BRWD3: variants seen among roughly 807,000 people sequenced by gnomAD.
BRWD3 encodes the protein bromodomain and WD repeat-containing protein 3.
A neutral mutation model predicts 149.7 loss-of-function variants in BRWD3; 10 were observed. The observed-to-expected ratio is 0.07, with a 90% confidence interval of 0.04 to 0.11. BRWD3 has a LOEUF of 0.11. BRWD3 is among the 10% of genes least tolerant of loss of function. The probability of loss-of-function intolerance (pLI) is 1.00; values close to 1 mark genes in which losing one functional copy is unlikely to be tolerated. For missense variants in BRWD3, 940 were observed against 1,373.2 expected (o/e 0.68, Z 4.99); for synonymous variants, 504 against 456.7 (o/e 1.10, Z -1.32).
At chrX:80,808,498 G>A in intron 4 of BRWD3, 41 bp downstream of exon 4, 2 of 1,147,845 alleles carry the variant, frequency 1.7e-6, no homozygotes, top group African/African-American at 1.8e-5. Flanking sequence ...GGAGGGAGTG[G>A]TGAAAGAGTT....
chrX:80,689,416 T>C (rs2072581337), intron 33 of BRWD3, among the ~76,000 whole-genome samples: 1 of 111,888 alleles, frequency 8.9e-6, no homozygotes, highest in South Asian at 3.7e-4. Context: ...ATATTTTCTA[T>C]ACAGCATATA....
intron 6 of BRWD3, among the ~76,000 whole-genome samples, chrX:80,770,012 A>G (rs2073916517): frequency 8.9e-6 from 1 of 111,803 alleles, no homozygotes; most frequent in Non-Finnish European, 1.9e-5. Context: ...AGAAATGGAT[A>G]AATTCCTCGA....
chrX:80,745,647 C>T lies in BRWD3; in HGVS notation c.513G>A (p.Lys171=). The change falls in exon 7 of 41, where the codon AAG becomes AAA. Residue 171 remains lysine, a synonymous_variant. Coordinates refer to ENST00000373275, the MANE Select transcript of BRWD3 (RefSeq NM_153252.5). ...IFPSSAYQHI[K]MHKRILGHLS... ...AGTGCCCCAGAATTCTCTTATGCATCTTAATGTGCTGGTAAGCAGATGAAG... is the reference window on the plus strand; with the variant it reads ...AGTGCCCCAGAATTCTCTTATGCATTTTAATGTGCTGGTAAGCAGATGAAG... 1 of 1,209,151 alleles carries T rather than the reference C, an allele frequency of 8.3e-7. No individual in the cohort carries two copies. The highest frequency in any genetic ancestry group is 1.8e-5 in the South Asian group (1 of 56,731).
chrX:80,682,690 T>C, intron 37 of BRWD3, 62 bp from the exon 38 acceptor site: 1 of 1,052,978 alleles, frequency 9.5e-7, no homozygotes, highest in Admixed American at 2.3e-5. Flanking sequence ...GGTATAAACA[T>C]GCCTAGACCA....
chrX:80,745,636 C>A lies in BRWD3; in HGVS notation c.524G>T (p.Arg175Ile). Residue 175 changes from arginine (R) to isoleucine (I), a missense_variant, in exon 7 of 41, where the codon AGA becomes ATA. By Grantham distance (97) the Arg-to-Ile change is moderately conservative. Transcript: ENST00000373275. ...SAYQHIKMHKRILGHLSSVYC... is the reference protein window; with the variant it reads ...SAYQHIKMHKIILGHLSSVYC... ...GACAGATGACAAGTGCCCCAGAATT[C>A]TCTTATGCATCTTAATGTGCTGGTA... 1.7e-6 allele frequency: 2 copies of A among 1,209,867 alleles called. No homozygotes were observed. Among genetic ancestry groups the A allele is most frequent in the Non-Finnish European group, 2.2e-6 (2 of 894,382 alleles).
chrX:80,685,041 T>C (rs780510412), intron 36 of BRWD3, among the ~76,000 whole-genome samples: 3 of 111,921 alleles, frequency 2.7e-5, no homozygotes, highest in East Asian at 5.6e-4. Flanking sequence ...TCTTATTTTC[T>C]TAAATCATAA....
At chrX:80,781,386 C>T (rs1462684943) in intron 6 of BRWD3, among the ~76,000 whole-genome samples, 1 of 110,482 alleles carries the variant, frequency 9.1e-6, no homozygotes. Flanking sequence ...TGATTGGTCA[C>T]GTGTGAGCTA....
At chrX:80,701,450 A>C (rs2072786296) in intron 24 of BRWD3, among the ~76,000 whole-genome samples, 1 of 100,417 alleles carries the variant, frequency 1.0e-5, no homozygotes, top group African/African-American at 3.7e-5. Flanking sequence ...CCAGAGACTG[A>C]GGCAGGAGGA....
At chrX:80,710,294 C>A in intron 20 of BRWD3, 1 of 344,735 alleles carries the variant, frequency 2.9e-6, no homozygotes, top group Non-Finnish European at 5.4e-6. Flanking sequence ...TGGCTGGAGA[C>A]CATATGGTGT....
intron 4 of BRWD3, 109 bp from the exon 5 acceptor site, chrX:80,793,881 T>C (rs2074208804): frequency 1.2e-6 from 1 of 862,824 alleles, no homozygotes; most frequent in African/African-American, 2.0e-5. Flanking sequence ...AGTACAGTTT[T>C]AAAATATGGA....
chrX:80,736,130 G>C (rs764925622), intron 8 of BRWD3, 42 bp from the exon 9 acceptor site: 13 of 851,004 alleles, frequency 1.5e-5, no homozygotes, highest in Admixed American at 5.1e-5. Context: ...AAGTTTTCAT[G>C]TTCAGCCTAA....
In BRWD3 at chrX:80,703,531, G is replaced by T. The variant is rs374506452; in HGVS notation, c.2784C>A (p.Ile928=). 8.0e-5 allele frequency: 97 copies of T among 1,205,935 alleles called. No homozygotes were observed. The highest frequency in any genetic ancestry group is 1.1e-4 in the Non-Finnish European group (95 of 893,467). ...PNEEWFAPQW[I]LDTIPRRSPF... The stretch of plus-strand genomic sequence containing the variant: ...GGGAACGTCGGGGTATAGTATCCAA[G>T]ATCCACTGAGGGGCAAACCATTCTT... Residue 928 remains isoleucine, a synonymous_variant, in exon 24 of 41, where the codon ATC becomes ATA. Transcript: ENST00000373275.
At position 80,768,943 on chromosome X, in the gene BRWD3, T is replaced by C. The variant is rs776151755; in HGVS notation, c.430+22911A>G. 9.9e-5 allele frequency among the ~76,000 whole-genome samples: 11 copies of C among 110,661 alleles called. No individual in the cohort carries two copies. In the South Asian group the frequency reaches 4.2e-3, roughly 43 times the overall value. ...AAAAAAAAAGCAGGGGTTGCAGTCCTAGTCTCTGATAAAACAGACTTTAAA... is the reference window on the plus strand; with the variant it reads ...AAAAAAAAAGCAGGGGTTGCAGTCCCAGTCTCTGATAAAACAGACTTTAAA... On this transcript the variant is annotated intron_variant, in intron 6 of 40. Coordinates refer to ENST00000373275, the MANE Select transcript of BRWD3 (RefSeq NM_153252.5).
Position 80,688,173 on chromosome X carries a change from G to A in BRWD3, c.3808-48C>T, listed in dbSNP as rs1480361280. 3 of 995,724 alleles carry A rather than the reference G, an allele frequency of 3.0e-6. No individual in the cohort carries two copies. In the African/African-American group the frequency reaches 5.7e-5, roughly 19 times the overall value. The allele number at this position is 995,724 out of a possible 1,213,427, so 82.1% of individuals were successfully genotyped here. A position where few individuals can be genotyped will look rare whatever the true frequency, so the allele number is the denominator to read the frequency against. ...GAAAAGACGTTAAGTTACATTCAAAGTCATATAAATTAGATGGACATTTAC... is the reference window on the plus strand; with the variant it reads ...GAAAAGACGTTAAGTTACATTCAAAATCATATAAATTAGATGGACATTTAC... On this transcript the variant is annotated intron_variant, in intron 33 of 40. Coordinates refer to ENST00000373275, the MANE Select transcript of BRWD3 (RefSeq NM_153252.5).
Position 80,703,512 on chromosome X carries a change from G to A in BRWD3, c.2803C>T (p.Arg935Cys), listed in dbSNP as rs1298730794. Residue 935 changes from arginine to cysteine, a missense_variant, in exon 24 of 41, where the codon CGT becomes TGT. Transcript: ENST00000373275. ...CCCATTTGTGGGACAAATGGGGAACGTCGGGGTATAGTATCCAAGATCCAC... is the reference window on the plus strand; with the variant it reads ...CCCATTTGTGGGACAAATGGGGAACATCGGGGTATAGTATCCAAGATCCAC... ...PQWILDTIPRRSPFVPQMGDE... is the reference protein window; with the variant it reads ...PQWILDTIPRCSPFVPQMGDE... The A allele has an allele frequency of 4.1e-6, 5 of 1,206,422 alleles. No homozygotes were observed. Among genetic ancestry groups the A allele is most frequent in the Non-Finnish European group, 5.6e-6 (5 of 892,527 alleles).
intron 4 of BRWD3, among the ~76,000 whole-genome samples, chrX:80,797,804 T>G (rs2074253723): frequency 9.0e-6 from 1 of 111,448 alleles, no homozygotes; most frequent in Non-Finnish European, 1.9e-5. Context: ...CAATAAAAAT[T>G]TGATTATATG....
chrX:80,803,215 T>G (rs1310234675), intron 4 of BRWD3, among the ~76,000 whole-genome samples: 1 of 111,053 alleles, frequency 9.0e-6, no homozygotes, highest in Non-Finnish European at 1.9e-5. Context: ...AAAAGGAAAG[T>G]GTTTATTAAT....
At chrX:80,722,466 T>A (rs1263207814) in intron 17 of BRWD3, 96 bp downstream of exon 17, 1 of 807,739 alleles carries the variant, frequency 1.2e-6, no homozygotes, top group Non-Finnish European at 1.8e-6. Context: ...TATAACCTAC[T>A]CCAGAGTTTA....
intron 6 of BRWD3, among the ~76,000 whole-genome samples, chrX:80,781,453 G>T (rs2074056560): frequency 9.0e-6 from 1 of 111,098 alleles, no homozygotes. Context: ...TAGGCTTAGG[G>T]ATTCTTAGTC....
Sources: gnomAD v4.1 joint callset for allele counts (sites outside exome capture counted in the v4.1 genomes callset) on GRCh38, gnomAD v4.1.1 for gene constraint, MANE v1.5 for transcripts, NCBI Gene and HGNC (gene_info 2026-07-23, HGNC 2026-07-21) for gene names.